ESRP1: variants seen among roughly 807,000 people sequenced by gnomAD.
ESRP1 encodes RNA-binding motif protein 35A.
Under a neutral mutation model 81.7 loss-of-function variants are expected in ESRP1, and 33 were observed. The ratio of observed to expected loss-of-function variants is 0.40; its 90% CI spans 0.31 to 0.54. The LOEUF is 0.54. ESRP1 is among the 20% of genes least tolerant of loss of function. ESRP1 has a pLI of 0.41. For missense variants in ESRP1, 672 were observed against 833.1 expected (o/e 0.81, Z 2.38); for synonymous variants, 320 against 303.3 (o/e 1.06, Z -0.57).
rs917425673 is a variant in ESRP1 at position 94,641,744 on chromosome 8, G to A, written c.133-212G>A. 48 of 752,064 alleles carry A rather than the reference G, an allele frequency of 6.4e-5. No homozygotes were observed. The African/African-American group carries it at 7.6e-4, about 12-fold the overall frequency. The allele number at this position is 752,064 out of a possible 1,614,324, so 46.6% of individuals were successfully genotyped here. ...GACGAGGTGGGGTCTCGGAGGCCCC[G>A]GGGTCCACTTCCAGGGCTTTTCCGA... On this transcript the variant is annotated intron_variant, in intron 1 of 15. Coordinates refer to ENST00000433389, the MANE Select transcript of ESRP1 (RefSeq NM_017697.4).
chr8:94,682,540 G>T (rs1453085007), intron 13 of ESRP1, among the ~76,000 whole-genome samples: 2 of 151,632 alleles, frequency 1.3e-5, no homozygotes, highest in Non-Finnish European at 2.9e-5. Context: ...CTAATTTTTT[G>T]ACTTTTTGTG....
chr8:94,641,298 TC>T lies in ESRP1; in HGVS notation c.-16del, dbSNP rs745677897. ...CCTTACCGCCTCCCGACCCCCCCTCTCCCCCTCCCCACCTATCGTCATGACG... is the reference window on the plus strand; with the variant it reads ...CCTTACCGCCTCCCGACCCCCCCTCTCCCCTCCCCACCTATCGTCATGACG... On this transcript the variant is annotated 5_prime_UTR_variant, in exon 1 of 16. Coordinates refer to ENST00000433389, the MANE Select transcript of ESRP1 (RefSeq NM_017697.4). The T allele has an allele frequency of 2.0e-5, 24 of 1,185,228 alleles. No individual in the cohort carries two copies. The Admixed American group carries it at 4.1e-4, about 20-fold the overall frequency. 73.4% of individuals were successfully genotyped at this position (1,185,228 alleles called of 1,614,324 possible). A position where few individuals can be genotyped will look rare whatever the true frequency, so the allele number is the denominator to read the frequency against.
chr8:94,698,608 T>C (rs898453414), intron 15 of ESRP1, among the ~76,000 whole-genome samples: 1 of 152,242 alleles, frequency 6.6e-6, no homozygotes, highest in African/African-American at 2.4e-5. Context: ...TCTTTGAGGC[T>C]TCTTGGGAGA....
At position 94,665,523 on chromosome 8, in the gene ESRP1, G is replaced by A. The variant is rs1056127373; in HGVS notation, c.931+327G>A. Among the ~76,000 whole-genome samples, 6 of 152,076 alleles carry A rather than the reference G, an allele frequency of 3.9e-5. No homozygotes were observed. In the East Asian group the frequency reaches 1.2e-3, roughly 29 times the overall value. On this transcript the variant is annotated intron_variant, in intron 9 of 15. Coordinates refer to ENST00000433389, the MANE Select transcript of ESRP1 (RefSeq NM_017697.4). ...TTTGTTTTTTTGGAGACAGAGTTTC[G>A]CTCTGTCACCCAAACTGGAGTGCGG...
At chr8:94,662,982 T>A (rs533380561) in intron 6 of ESRP1, among the ~76,000 whole-genome samples, 68 of 152,222 alleles carry the variant, frequency 4.5e-4, no homozygotes, top group Non-Finnish European at 9.0e-4. Context: ...CTTTTAGCTA[T>A]CCTTTCTTGC....
At chr8:94,670,251 A>C (rs1285018060) in intron 10 of ESRP1, among the ~76,000 whole-genome samples, 1 of 152,128 alleles carries the variant, frequency 6.6e-6, no homozygotes, top group African/African-American at 2.4e-5. Context: ...TTATTCAGTA[A>C]ATATTTGAGC....
chr8:94,700,967 G>GTA (rs1563552446), intron 15 of ESRP1, among the ~76,000 whole-genome samples: 2,730 of 149,552 alleles, frequency 0.018, 80 homozygotes, highest in African/African-American at 0.063. Context: ...GTGTGTGTGT[G>GTA]TGTGTGTGTG....
intron 4 of ESRP1, among the ~76,000 whole-genome samples, chr8:94,658,513 C>A (rs1818552606): frequency 6.6e-6 from 1 of 152,122 alleles, no homozygotes; most frequent in African/African-American, 2.4e-5. Flanking sequence ...TTTGGTGGGT[C>A]ATTTGTGGCC....
intron 4 of ESRP1, chr8:94,646,524 T>C (rs1202366952): frequency 6.0e-6 from 2 of 334,732 alleles, no homozygotes; most frequent in Non-Finnish European, 1.1e-5. Context: ...ACATGTAGAA[T>C]AGGATTCAGT....
intron 14 of ESRP1, among the ~76,000 whole-genome samples, chr8:94,693,710 A>G (rs1186362836): frequency 2.6e-5 from 4 of 152,192 alleles, no homozygotes; most frequent in Admixed American, 2.6e-4. Context: ...ATAGCCCTTG[A>G]GCATTTTCAG....
chr8:94,689,862 G>T (rs1251115273), intron 13 of ESRP1, among the ~76,000 whole-genome samples: 1 of 131,676 alleles, frequency 7.6e-6, no homozygotes, highest in African/African-American at 2.8e-5. Flanking sequence ...TGTCGCCCAG[G>T]CTGGAGTGCA....
intron 6 of ESRP1, among the ~76,000 whole-genome samples, chr8:94,664,357 C>T (rs1232347269): frequency 2.0e-5 from 3 of 152,096 alleles, no homozygotes; most frequent in Admixed American, 6.6e-5. Flanking sequence ...CTCCTGACCT[C>T]GGGTGATCCA....
intron 1 of ESRP1, 172 bp downstream of exon 1, chr8:94,641,622 T>C (rs1054630047): frequency 1.1e-6 from 1 of 922,818 alleles, no homozygotes; most frequent in Non-Finnish European, 1.6e-6. Context: ...ATTGGCCAAC[T>C]GCCTTGGAGC....
chr8:94,665,653 G>A (rs1393931918), intron 9 of ESRP1, among the ~76,000 whole-genome samples: 1 of 152,034 alleles, frequency 6.6e-6, no homozygotes, highest in Non-Finnish European at 1.5e-5. Flanking sequence ...CACCATGCCT[G>A]GCTAACTTTT....
chr8:94,662,103 T>C (rs1434320247), intron 4 of ESRP1, among the ~76,000 whole-genome samples, 169 bp from the exon 5 acceptor site: 1 of 152,212 alleles, frequency 6.6e-6, no homozygotes, highest in Non-Finnish European at 1.5e-5. Flanking sequence ...AAAAGGGCAG[T>C]TGGAGCCTAA....
intron 13 of ESRP1, among the ~76,000 whole-genome samples, chr8:94,690,515 TTGTATACAGCAGGTA>T (rs1299801027): frequency 6.6e-6 from 1 of 152,092 alleles, no homozygotes; most frequent in Non-Finnish European, 1.5e-5. Flanking sequence ...TTACGATTCC[TTGTATACAGCAGGTA>T]ATCATAGCTG....
intron 9 of ESRP1, among the ~76,000 whole-genome samples, chr8:94,665,867 A>T (rs1224041567): frequency 6.6e-6 from 1 of 152,214 alleles, no homozygotes; most frequent in African/African-American, 2.4e-5. Flanking sequence ...GGATTGTTGC[A>T]CATGTGCTTC....
chr8:94,656,179 C>T (rs1818406465), intron 4 of ESRP1: 1 of 149,676 alleles, frequency 6.7e-6, no homozygotes, highest in African/African-American at 2.5e-5. Flanking sequence ...CACACTCCAG[C>T]CTAGGCTACA....
rs1186584871 is a variant in ESRP1 at position 94,641,393 on chromosome 8, G to A, written c.75G>A (p.Ser25=). 1.9e-6 allele frequency: 3 copies of A among 1,613,916 alleles called. No homozygotes were observed. Among genetic ancestry groups the A allele is most frequent in the Non-Finnish European group, 8.5e-7 (1 of 1,179,872 alleles). The stretch of plus-strand genomic sequence containing the variant: ...GGGCCACCGGGGCCAAGCTAGGCTC[G>A]GATGAGAAGGAGTTGATCCTGCTGT... ...TAGATGAKLG[S]DEKELILLFW... Residue 25 remains serine, a synonymous_variant, in exon 1 of 16, where the codon TCG becomes TCA. Transcript: ENST00000433389.
Sources: allele counts gnomAD v4.1 joint callset (sites outside exome capture counted in the v4.1 genomes callset), GRCh38; gene constraint gnomAD v4.1.1; transcripts MANE v1.5; gene names NCBI Gene and HGNC (gene_info 2026-07-23, HGNC 2026-07-21).